RAB10: variants seen among roughly 807,000 people sequenced by gnomAD.
The protein encoded by RAB10 is ras-related protein Rab-10.
In RAB10, 5 loss-of-function variants were observed where a neutral mutation model predicts 25.7. That is an observed-to-expected ratio of 0.19 (90% CI 0.10 to 0.41). The LOEUF (loss-of-function observed/expected upper bound fraction) is 0.41, where lower values mean the gene tolerates loss of function less well. Among genes scored for constraint, RAB10 ranks in the 10% least tolerant of loss-of-function variants. RAB10 has a pLI of 1.00. For synonymous variants in RAB10, 89 were observed against 86.4 expected (o/e 1.03, Z -0.16); for missense variants, 103 against 245.8 (o/e 0.42, Z 3.89).
At chr2:26,082,776 A>G (rs1392196550) in intron 1 of RAB10, among the ~76,000 whole-genome samples, 1 of 152,186 alleles carries the variant, frequency 6.6e-6, no homozygotes, top group African/African-American at 2.4e-5. Context: ...TGTCTTGGAT[A>G]CTAAAACTAA....
intron 2 of RAB10, among the ~76,000 whole-genome samples, chr2:26,104,008 C>T (rs1341445880): frequency 1.3e-5 from 2 of 151,990 alleles, no homozygotes; most frequent in Non-Finnish European, 2.9e-5. Flanking sequence ...TTCAGTTGTT[C>T]TGCTTTTTGG....
intron 3 of RAB10, among the ~76,000 whole-genome samples, chr2:26,126,035 A>G (rs1378172179): frequency 6.6e-6 from 1 of 152,112 alleles, no homozygotes; most frequent in Non-Finnish European, 1.5e-5. Context: ...ATTTTTTTAT[A>G]TGGTTTAAAA....
At chr2:26,056,789 G>A (rs778109170) in intron 1 of RAB10, among the ~76,000 whole-genome samples, 8 of 151,370 alleles carry the variant, frequency 5.3e-5, no homozygotes, top group Non-Finnish European at 7.4e-5. Flanking sequence ...ACCACACCCA[G>A]CTAGATTTTT....
intron 3 of RAB10, among the ~76,000 whole-genome samples, chr2:26,119,204 C>T (rs1307464292): frequency 6.6e-6 from 1 of 151,986 alleles, no homozygotes; most frequent in African/African-American, 2.4e-5. Context: ...TTTAGGAGTT[C>T]GAGACCAGCT....
intron 1 of RAB10, among the ~76,000 whole-genome samples, chr2:26,056,405 G>T (rs917044338): frequency 1.5e-4 from 23 of 151,682 alleles, no homozygotes; most frequent in Non-Finnish European, 2.6e-4. Context: ...CACCTTGTTG[G>T]CCAGTATGGT....
intron 1 of RAB10, 76 bp downstream of exon 1, chr2:26,034,811 C>G: frequency 6.4e-7 from 1 of 1,559,566 alleles, no homozygotes; most frequent in Non-Finnish European, 8.8e-7. Flanking sequence ...TCTTGCTTCC[C>G]GTAATATACG....
intron 2 of RAB10, chr2:26,102,273 T>C (rs1667357540): frequency 6.6e-6 from 1 of 152,258 alleles, no homozygotes. Flanking sequence ...TTATTTCATT[T>C]ACAGCTTTAT....
chr2:26,051,529 C>G (rs868085946), intron 1 of RAB10, among the ~76,000 whole-genome samples: 2 of 148,794 alleles, frequency 1.3e-5, no homozygotes, highest in African/African-American at 2.5e-5. Context: ...GGGTGGATCA[C>G]GAACGAGGTC....
At chr2:26,094,064 T>C (rs746692799) in intron 1 of RAB10, among the ~76,000 whole-genome samples, 4 of 151,828 alleles carry the variant, frequency 2.6e-5, no homozygotes, top group Non-Finnish European at 5.9e-5. Flanking sequence ...CCTGGCTAAT[T>C]TTTTTGTAGA....
chr2:26,054,407 C>G (rs1037938735), intron 1 of RAB10, among the ~76,000 whole-genome samples: 1 of 152,138 alleles, frequency 6.6e-6, no homozygotes, highest in African/African-American at 2.4e-5. Flanking sequence ...CCAGGCTGGT[C>G]TGGAACTCCT....
intron 1 of RAB10, among the ~76,000 whole-genome samples, chr2:26,093,158 G>A (rs941023837): frequency 6.6e-6 from 1 of 152,132 alleles, no homozygotes; most frequent in Non-Finnish European, 1.5e-5. Flanking sequence ...GTATGGGCAG[G>A]AAACTCACTG....
chr2:26,129,187 T>C (rs1218605974), intron 5 of RAB10, among the ~76,000 whole-genome samples: 2 of 150,286 alleles, frequency 1.3e-5, no homozygotes, highest in East Asian at 1.9e-4. Flanking sequence ...GAAGAATCCC[T>C]TGAACCAGGG....
intron 5 of RAB10, among the ~76,000 whole-genome samples, chr2:26,134,107 TC>T (rs969144374): frequency 6.6e-6 from 1 of 152,174 alleles, no homozygotes; most frequent in Non-Finnish European, 1.5e-5. Context: ...TTGGGGTTTT[TC>T]GGTGTTTTTA....
chr2:26,073,607 A>G (rs916225533), intron 1 of RAB10, among the ~76,000 whole-genome samples: 1 of 152,208 alleles, frequency 6.6e-6, no homozygotes, highest in Non-Finnish European at 1.5e-5. Flanking sequence ...TGTAGTTTGT[A>G]GGCTTTCAGA....
intron 1 of RAB10, among the ~76,000 whole-genome samples, chr2:26,082,424 A>G (rs760501639): frequency 3.3e-5 from 5 of 152,140 alleles, no homozygotes; most frequent in Non-Finnish European, 7.4e-5. Context: ...CTAGAAATAA[A>G]GAGGATCTTT....
chr2:26,086,204 A>G (rs4665819), intron 1 of RAB10, among the ~76,000 whole-genome samples: 117,065 of 151,694 alleles, frequency 0.77, 45,161 homozygotes, highest in East Asian at 0.87. Context: ...TGTAATCCCA[A>G]CTACTTGGGA....
Position 26,098,776 on chromosome 2 carries a change from C to A in RAB10, c.188+54C>A, listed in dbSNP as rs1240399259. 5.0e-6 allele frequency: 7 copies of A among 1,407,170 alleles called. No homozygotes were observed. The South Asian group carries it at 7.6e-5, about 15-fold the overall frequency. The allele number at this position is 1,407,170 out of a possible 1,614,324, so 87.2% of individuals were successfully genotyped here. On this transcript the variant is annotated intron_variant, in intron 2 of 5. Coordinates refer to ENST00000264710, the MANE Select transcript of RAB10 (RefSeq NM_016131.5). ...CAGAATGTCAGGTTCCTTAAGGTTT[C>A]ACAGTGAAATTCTTTTTTGTCACAG...
intron 1 of RAB10, among the ~76,000 whole-genome samples, chr2:26,059,740 G>A (rs1483552142): frequency 6.6e-6 from 1 of 152,178 alleles, no homozygotes; most frequent in Non-Finnish European, 1.5e-5. Context: ...TCCATCGGTG[G>A]TTATCAGGAG....
intron 1 of RAB10, among the ~76,000 whole-genome samples, chr2:26,070,073 C>T (rs1329762534): frequency 6.6e-6 from 1 of 152,212 alleles, no homozygotes; most frequent in Non-Finnish European, 1.5e-5. Flanking sequence ...GATTTATATT[C>T]ACTCTGCATT....
Sources: allele counts gnomAD v4.1 joint callset (sites outside exome capture counted in the v4.1 genomes callset), GRCh38; gene constraint gnomAD v4.1.1; transcripts MANE v1.5; gene names NCBI Gene and HGNC (gene_info 2026-07-23, HGNC 2026-07-21).